MTMR4: variants seen among roughly 807,000 people sequenced by gnomAD.
MTMR4 encodes myotubularin related protein 4, also known as phosphatidylinositol-3,5-bisphosphate 3-phosphatase MTMR4.
In MTMR4, 30 loss-of-function variants were observed where a neutral mutation model predicts 125.5. The ratio of observed to expected loss-of-function variants is 0.24; its 90% CI spans 0.18 to 0.32. The LOEUF (loss-of-function observed/expected upper bound fraction) is 0.32. Ranked by LOEUF, MTMR4 falls within the 10% of genes least tolerant of loss-of-function variation. MTMR4 has a pLI of 1.00. For missense variants in MTMR4, 1,039 were observed against 1,511.5 expected, an observed-to-expected ratio of 0.69 and a Z score of 5.18; for synonymous variants, 498 against 564.5, an observed-to-expected ratio of 0.88 and a Z score of 1.67.
upstream of MTMR4, chr17:58,516,477 G>A (rs1267386267): frequency 8.1e-7 from 1 of 1,240,302 alleles, no homozygotes; most frequent in Non-Finnish European, 1.2e-6. Context: ...AGCTGAACAG[G>A]GTAGCCTGGA....
chr17:58,498,187 G>C (rs973855093), intron 14 of MTMR4, among the ~76,000 whole-genome samples: 1 of 151,942 alleles, frequency 6.6e-6, no homozygotes, highest in African/African-American at 2.4e-5. Flanking sequence ...GCAGTGAGCC[G>C]AGATCGCACC....
intron 14 of MTMR4, among the ~76,000 whole-genome samples, chr17:58,497,220 G>A (rs895646383): frequency 6.6e-6 from 1 of 152,198 alleles, no homozygotes; most frequent in African/African-American, 2.4e-5. Flanking sequence ...CAGCCTATGC[G>A]GAAAAATTCC....
intron 14 of MTMR4, among the ~76,000 whole-genome samples, chr17:58,497,562 C>A (rs952343073): frequency 6.6e-6 from 1 of 152,214 alleles, no homozygotes; most frequent in African/African-American, 2.4e-5. Flanking sequence ...TTGCTCAGTG[C>A]TTCCTATAAC....
At position 58,495,697 on chromosome 17, in the gene MTMR4, G is replaced by A; in HGVS notation, c.2487C>T (p.Cys829=). The A allele has an allele frequency of 6.2e-7, 1 of 1,614,178 alleles. No individual in the cohort carries two copies. The highest frequency in any genetic ancestry group is 8.5e-7 in the Non-Finnish European group (1 of 1,180,030). The change falls in exon 15 of 18, where the codon TGC becomes TGT. Residue 829 remains cysteine, a synonymous_variant. Coordinates refer to ENST00000682306, the MANE Select transcript of MTMR4 (RefSeq NM_001378067.1). ...CVLDHSLSTV[C]NPPSAACQTP... ...TTTGGCAGGCAGCACTCGGTGGGTT[G>A]CAAACGGTGCTGAGGCTGTGATCAA...
In MTMR4 at chr17:58,504,264, A is replaced by AT. The variant is rs764045022; in HGVS notation, c.1527+38dup. 1 of 1,604,470 alleles carries AT rather than the reference A, an allele frequency of 6.2e-7. No individual in the cohort carries two copies. The highest frequency in any genetic ancestry group is 1.7e-5 in the Admixed American group (1 of 59,714). On this transcript the variant is annotated intron_variant, in intron 12 of 17. Coordinates refer to ENST00000682306, the MANE Select transcript of MTMR4 (RefSeq NM_001378067.1). The surrounding 1 kb of genome is among the most constrained non-coding windows in gnomAD (Gnocchi z 7.1). ...TTGCACCTGGGGGCCTCGGGCTGTCATTCCCCCCATCCCTGTTGTCACAGG... is the reference window on the plus strand; with the variant it reads ...TTGCACCTGGGGGCCTCGGGCTGTCATTTCCCCCCATCCCTGTTGTCACAGG...
rs376450602 is a variant in MTMR4, at chr17:58,506,961, T to C, written c.905-90A>G. 2.2e-5 allele frequency: 34 copies of C among 1,564,110 alleles called. No homozygotes were observed. The East Asian group carries it at 5.7e-4, about 26-fold the overall frequency. Reference sequence around the variant, plus strand: ...GCACTCCCTCTCAGAAGGCAGAACATGCAACTAGAGACCCCTCATACCCCA... The same window carrying C: ...GCACTCCCTCTCAGAAGGCAGAACACGCAACTAGAGACCCCTCATACCCCA... On this transcript the variant is annotated intron_variant, in intron 8 of 17. Transcript: ENST00000682306.
chr17:58,491,643 G>A lies in MTMR4; in HGVS notation c.*20C>T. ...CCTCCCTTCAAACCTGCTAAAATTG[G>A]ACAGGTTTCTCCCCGGCATTCAACT... On this transcript the variant is annotated 3_prime_UTR_variant, in exon 18 of 18. Transcript: ENST00000682306. The A allele has an allele frequency of 1.9e-6, 3 of 1,606,130 alleles. No individual in the cohort carries two copies. Among genetic ancestry groups the A allele is most frequent in the South Asian group, 2.2e-5 (2 of 90,526 alleles).
rs1975740954 is a variant in MTMR4, at chr17:58,505,061, A to G, written c.1146-87T>C. 3 of 1,326,166 alleles carry G rather than the reference A, an allele frequency of 2.3e-6. No individual in the cohort carries two copies. The South Asian group carries it at 4.3e-5, about 19-fold the overall frequency. The allele number at this position is 1,326,166 out of a possible 1,614,324, so 82.1% of individuals were successfully genotyped here. On this transcript the variant is annotated intron_variant, in intron 10 of 17. Coordinates refer to ENST00000682306, the MANE Select transcript of MTMR4 (RefSeq NM_001378067.1). The stretch of plus-strand genomic sequence containing the variant: ...CCATCCACAGCCAGCCCCACCCAAC[A>G]AAGTCCCCATTGAGAACTGAAACCA...
chr17:58,507,635 AG>A (rs1299803510), intron 7 of MTMR4, among the ~76,000 whole-genome samples: 1 of 152,236 alleles, frequency 6.6e-6, no homozygotes, highest in Non-Finnish European at 1.5e-5. Context: ...TCCAAACTTC[AG>A]GGTTACTTCC....
chr17:58,511,793 G>A (rs1001252695), intron 3 of MTMR4, among the ~76,000 whole-genome samples: 3 of 152,116 alleles, frequency 2.0e-5, no homozygotes, highest in East Asian at 1.9e-4. Flanking sequence ...GAGTGGCAAC[G>A]CAGGAAAAGA....
At chr17:58,498,355 A>G (rs570059657) in intron 14 of MTMR4, among the ~76,000 whole-genome samples, 1 of 151,992 alleles carries the variant, frequency 6.6e-6, no homozygotes, top group East Asian at 1.9e-4. Context: ...TTAGTCAGCA[A>G]TGTTGACAGA....
Position 58,508,955 on chromosome 17 carries a change from A to G in MTMR4, c.336-114T>C. On this transcript the variant is annotated intron_variant, in intron 4 of 17. Coordinates refer to ENST00000682306, the MANE Select transcript of MTMR4 (RefSeq NM_001378067.1). This position sits in a 1 kb window ranked among gnomAD's most constrained non-coding sequence, Gnocchi z 4.8. ...CTGTGAGGAGAGAAGGCTGCAAAGC[A>G]AGAGGTAAAGCAGTGGGGACCCAGG... The G allele has an allele frequency of 2.4e-6, 3 of 1,245,192 alleles. No homozygotes were observed. Among genetic ancestry groups the G allele is most frequent in the Non-Finnish European group, 3.3e-6 (3 of 897,072 alleles). 77.1% of individuals were successfully genotyped at this position (1,245,192 alleles called of 1,614,324 possible).
At chr17:58,505,287 T>C (rs1975747112) in intron 10 of MTMR4, among the ~76,000 whole-genome samples, 185 bp downstream of exon 10, 1 of 152,216 alleles carries the variant, frequency 6.6e-6, no homozygotes, top group Non-Finnish European at 1.5e-5. Context: ...CCATGTCCTG[T>C]GACCACGCCA....
rs762033095 is a variant in MTMR4 at position 58,512,951 on chromosome 17, G to A, written c.46-10C>T. 1.1e-5 allele frequency: 17 copies of A among 1,606,020 alleles called. No homozygotes were observed. The African/African-American group carries it at 2.3e-4, about 22-fold the overall frequency. Reference sequence around the variant, plus strand: ...GGGGCCCCTCCTCACCCTGTAGGAAGGCCACAGTCCTAAGTCACCAAGCTC... The same window carrying A: ...GGGGCCCCTCCTCACCCTGTAGGAAAGCCACAGTCCTAAGTCACCAAGCTC... On this transcript the variant is annotated splice_polypyrimidine_tract_variant and intron_variant, in intron 1 of 17. Coordinates refer to ENST00000682306, the MANE Select transcript of MTMR4 (RefSeq NM_001378067.1). This position sits in a 1 kb window ranked among gnomAD's most constrained non-coding sequence, Gnocchi z 4.1.
At position 58,492,856 on chromosome 17, in the gene MTMR4, T is replaced by C; in HGVS notation, c.3349A>G (p.Lys1117Glu). 6.2e-7 allele frequency: 1 copy of C among 1,614,202 alleles called. No homozygotes were observed. ...LSEASWEPVD[K>E]KETEVTRWVP... The stretch of plus-strand genomic sequence containing the variant: ...CCTAAACATACCTCAGTCTCTTTCT[T>C]ATCAACAGGTTCCCAGCTTGCTTCT... The change falls in exon 16 of 18, where the codon AAG (lysine) becomes GAG (glutamate). Residue 1117 changes from lysine (K) to glutamate (E), a missense_variant. Coordinates refer to ENST00000682306, the MANE Select transcript of MTMR4 (RefSeq NM_001378067.1).
In MTMR4 at chr17:58,512,836, C is replaced by G. The variant is rs764250541; in HGVS notation, c.135+16G>C. The G allele has an allele frequency of 1.9e-6, 3 of 1,608,942 alleles. No homozygotes were observed. The highest frequency in any genetic ancestry group is 2.6e-6 in the Non-Finnish European group (3 of 1,175,916). The stretch of plus-strand genomic sequence containing the variant: ...GCAGGGAGCCCCATCTATCCTGGCC[C>G]CCAACTCCTCCTTACCTGAAGATTC... On this transcript the variant is annotated intron_variant, in intron 2 of 17. Transcript: ENST00000682306. The surrounding 1 kb of genome is among the most constrained non-coding windows in gnomAD (Gnocchi z 4.1).
At chr17:58,501,575 G>GTA (rs1226012626) in intron 14 of MTMR4, among the ~76,000 whole-genome samples, 7 of 150,726 alleles carry the variant, frequency 4.6e-5, no homozygotes, top group Non-Finnish European at 1.0e-4. Context: ...ATATATGTGT[G>GTA]TATATATATA....
chr17:58,500,747 CAAAAAAAAA>C (rs60355286), intron 14 of MTMR4, among the ~76,000 whole-genome samples: 25,554 of 93,678 alleles, frequency 0.27, 2,494 homozygotes, highest in Admixed American at 0.32. Flanking sequence ...GATTCTGTCT[CAAAAAAAAA>C]AAAAAAAAAA....
At chr17:58,511,363 C>A in intron 4 of MTMR4, 66 bp downstream of exon 4, 1 of 1,353,196 alleles carries the variant, frequency 7.4e-7, no homozygotes, top group East Asian at 2.5e-5. Context: ...CCAGAGAAAC[C>A]CTGCAGCACA....
Sources: allele counts gnomAD v4.1 joint callset (sites outside exome capture counted in the v4.1 genomes callset), GRCh38; gene constraint gnomAD v4.1.1; non-coding constraint Gnocchi (gnomAD v3.1); transcripts MANE v1.5; gene names NCBI Gene and HGNC (gene_info 2026-07-23, HGNC 2026-07-21).